Variants in SUSD4 observed in about 807,000 individuals in gnomAD.
SUSD4 encodes sushi domain-containing protein 4.
SUSD4 carries 41 observed loss-of-function variants against 50.5 expected under a neutral mutation model. That is an observed-to-expected ratio of 0.81 (90% CI 0.63 to 1.05). The LOEUF (loss-of-function observed/expected upper bound fraction) is 1.05. Ranked by LOEUF, SUSD4 falls within the 50% of genes least tolerant of loss-of-function variation. SUSD4 has a pLI of 0.00. For synonymous variants in SUSD4, 257 were observed against 257.3 expected, an observed-to-expected ratio of 1.00 and a Z score of 0.01; for missense variants, 580 against 634.7, an observed-to-expected ratio of 0.91 and a Z score of 0.93.
At chr1:223,330,650 T>C (rs952460194) in intron 2 of SUSD4, among the ~76,000 whole-genome samples, 1 of 152,224 alleles carries the variant, frequency 6.6e-6, no homozygotes, top group Non-Finnish European at 1.5e-5. Context: ...TAAAACTGCA[T>C]GTCTCCGGCC....
intron 5 of SUSD4, chr1:223,230,569 A>G (rs892154361): frequency 7.2e-5 from 11 of 152,162 alleles, no homozygotes; most frequent in African/African-American, 2.2e-4. Context: ...GGAAAACAAG[A>G]TGGCCCTCCC....
chr1:223,360,368 G>A (rs980831228), intron 2 of SUSD4: 5 of 384,442 alleles, frequency 1.3e-5, no homozygotes, highest in Middle Eastern at 5.9e-4. Context: ...TTCCACACAC[G>A]GCAGGGTCCT....
rs192485389 is a variant in SUSD4, at chr1:223,322,093, G to A, written c.149-29442C>T. 4.6e-5 allele frequency among the ~76,000 whole-genome samples: 7 copies of A among 152,266 alleles called. No individual in the cohort carries two copies. The East Asian group carries it at 7.7e-4, about 17-fold the overall frequency. On this transcript the variant is annotated intron_variant, in intron 2 of 8. Transcript: ENST00000366878. ...TGGGTTTCAGAGCATTTTGGATTTC[G>A]GATTTCCGGATTGGAGATGCTTAGC...
At chr1:223,255,972 G>A (rs1661661179) in intron 5 of SUSD4, among the ~76,000 whole-genome samples, 1 of 152,122 alleles carries the variant, frequency 6.6e-6, no homozygotes, top group African/African-American at 2.4e-5. Context: ...TTACACAGAG[G>A]TGCACAAGAC....
chr1:223,277,960 A>T (rs1663397502), intron 3 of SUSD4, among the ~76,000 whole-genome samples: 1 of 151,622 alleles, frequency 6.6e-6, no homozygotes, highest in Admixed American at 6.6e-5. Context: ...CAGCTGGGAG[A>T]TTTTTTTTTA....
intron 2 of SUSD4, among the ~76,000 whole-genome samples, chr1:223,325,717 T>C (rs1666836716): frequency 1.3e-5 from 2 of 152,214 alleles, no homozygotes; most frequent in Admixed American, 1.3e-4. Context: ...AGCACTGCTA[T>C]ACACCAACAA....
chr1:223,242,400 G>A (rs928171650), intron 5 of SUSD4, among the ~76,000 whole-genome samples: 4 of 152,212 alleles, frequency 2.6e-5, no homozygotes, highest in South Asian at 2.1e-4. Context: ...ATGCTGTGGG[G>A]GTTTAACAAC....
intron 2 of SUSD4, among the ~76,000 whole-genome samples, chr1:223,356,252 A>G (rs148483385): frequency 4.1e-3 from 624 of 152,124 alleles, no homozygotes; most frequent in Middle Eastern, 6.8e-3. Flanking sequence ...TATTGGGCCA[A>G]ATTCTTTCCT....
At chr1:223,353,017 C>A (rs1349422203) in intron 2 of SUSD4, among the ~76,000 whole-genome samples, 2 of 152,154 alleles carry the variant, frequency 1.3e-5, no homozygotes, top group African/African-American at 4.8e-5. Flanking sequence ...CATGTTTAAT[C>A]TCTTTTTCCT....
chr1:223,297,051 G>C (rs1241682721), intron 2 of SUSD4, among the ~76,000 whole-genome samples: 1 of 152,212 alleles, frequency 6.6e-6, no homozygotes, highest in East Asian at 1.9e-4. Flanking sequence ...AAGGAAAACA[G>C]TTTCAGGAAG....
intron 5 of SUSD4, among the ~76,000 whole-genome samples, chr1:223,234,272 T>G (rs1035740943): frequency 2.0e-5 from 3 of 152,212 alleles, no homozygotes; most frequent in African/African-American, 7.2e-5. Flanking sequence ...TCCAGCCTCC[T>G]TTCAATTTAG....
chr1:223,293,548 A>T (rs1017696128), intron 2 of SUSD4, among the ~76,000 whole-genome samples: 3 of 152,138 alleles, frequency 2.0e-5, no homozygotes, highest in Admixed American at 6.5e-5. Flanking sequence ...GACTGACTGA[A>T]AGAGAGAGAG....
intron 2 of SUSD4, among the ~76,000 whole-genome samples, chr1:223,302,079 T>C (rs1230444403): frequency 2.0e-5 from 3 of 152,160 alleles, no homozygotes; most frequent in Admixed American, 2.0e-4. Context: ...TGTCTCCTGA[T>C]ACAGTTCTCA....
At chr1:223,292,066 AG>A (rs1664526798) in intron 3 of SUSD4, among the ~76,000 whole-genome samples, 1 of 152,230 alleles carries the variant, frequency 6.6e-6, no homozygotes, top group South Asian at 2.1e-4. Flanking sequence ...CATCTTCTGT[AG>A]GACTAAATAC....
chr1:223,296,019 C>A (rs912586843), intron 2 of SUSD4, among the ~76,000 whole-genome samples: 8 of 151,116 alleles, frequency 5.3e-5, no homozygotes, highest in African/African-American at 1.9e-4. Context: ...TCATTGGGCA[C>A]CTTTATCAAA....
chr1:223,363,184 G>T (rs1469886610), intron 2 of SUSD4, 94 bp downstream of exon 2: 4 of 1,328,820 alleles, frequency 3.0e-6, no homozygotes, highest in Non-Finnish European at 3.9e-6. Context: ...AAGTCTGGGT[G>T]TATGGGGGAG....
In SUSD4 at chr1:223,227,770, G is replaced by A. The variant is rs1357510456; in HGVS notation, c.917-32C>T. The A allele has an allele frequency of 1.3e-6, 2 of 1,581,126 alleles. No individual in the cohort carries two copies. Among genetic ancestry groups the A allele is most frequent in the Non-Finnish European group, 1.7e-6 (2 of 1,159,056 alleles). The stretch of plus-strand genomic sequence containing the variant: ...GAGGGAGAACAAAGCTGTACGTGAG[G>A]CTCCCAGACCATGAGAGGTGCCGAG... On this transcript the variant is annotated intron_variant, in intron 6 of 8. Transcript: ENST00000366878. This position sits in a 1 kb window ranked among gnomAD's most constrained non-coding sequence, Gnocchi z 4.5.
chr1:223,363,446 C>T lies in SUSD4; in HGVS notation c.-21G>A, dbSNP rs1429031494. 2.0e-5 allele frequency: 30 copies of T among 1,524,312 alleles called. No homozygotes were observed. The highest frequency in any genetic ancestry group is 2.7e-5 in the Non-Finnish European group (30 of 1,130,648). 94.4% of individuals were successfully genotyped at this position (1,524,312 alleles called of 1,614,324 possible). ...TACATCTTTCATCCACAGAGGGCAT[C>T]CAGCTTGCAAGAGTCTGCAACCAGA... On this transcript the variant is annotated 5_prime_UTR_variant, in exon 2 of 9. Transcript: ENST00000366878.
At chr1:223,255,547 G>A (rs1395018854) in intron 5 of SUSD4, among the ~76,000 whole-genome samples, 1 of 152,150 alleles carries the variant, frequency 6.6e-6, no homozygotes, top group Admixed American at 6.5e-5. Context: ...CATTGGGGCT[G>A]GGGGAGCCTG....
Sources: gnomAD v4.1 joint callset for allele counts (sites outside exome capture counted in the v4.1 genomes callset) on GRCh38, gnomAD v4.1.1 for gene constraint, Gnocchi (gnomAD v3.1) non-coding constraint, MANE v1.5 for transcripts, NCBI Gene and HGNC (gene_info 2026-07-23, HGNC 2026-07-21) for gene names.